The following GPR137C variants were observed in gnomAD, a reference collection of about 807,000 sequenced individuals.
The protein encoded by GPR137C is integral membrane protein GPR137C.
Under a neutral mutation model 43.4 loss-of-function variants are expected in GPR137C, and 27 were observed. The observed-to-expected ratio is 0.62, with a 90% CI of 0.46 to 0.86. GPR137C has a LOEUF of 0.86. Among genes scored for constraint, GPR137C ranks in the 40% least tolerant of loss-of-function variants. The probability of loss-of-function intolerance (pLI) is 0.00; values close to 1 mark genes in which losing one functional copy is unlikely to be tolerated. For missense variants in GPR137C, 522 were observed against 534.6 expected (o/e 0.98, Z 0.23); for synonymous variants, 285 against 226.9 (o/e 1.26, Z -2.30).
At chr14:52,572,533 G>C (rs1008727292) in intron 1 of GPR137C, among the ~76,000 whole-genome samples, 6 of 152,114 alleles carry the variant, frequency 3.9e-5, no homozygotes, top group African/African-American at 2.4e-5. Context: ...AAAGGTCTTT[G>C]ATAAAATTCA....
In GPR137C at chr14:52,553,320, C is replaced by G; in HGVS notation, c.173C>G (p.Ala58Gly). The G allele has an allele frequency of 6.3e-7, 1 of 1,587,262 alleles. No individual in the cohort carries two copies. The highest frequency in any genetic ancestry group is 8.5e-7 in the Non-Finnish European group (1 of 1,172,602). The stretch of plus-strand genomic sequence containing the variant: ...AGCGTCCTGCACGCCCTGCTCTACG[C>G]CGCGCTGTTCGCCTTTGCCTACCTG... The part of the protein sequence containing the change: ...ALSVLHALLY[A>G]ALFAFAYLQL... Residue 58 changes from alanine to glycine, a missense_variant, in exon 1 of 7, where the codon GCC becomes GGC. Physicochemically the swap from Ala to Gly is moderately conservative, Grantham distance 60. This residue lies in a region of GPR137C where 437 missense variants were observed against 425.7 expected (regional missense o/e 1.03). Coordinates refer to ENST00000321662, the MANE Select transcript of GPR137C (RefSeq NM_001099652.2).
At chr14:52,555,218 A>G (rs559514071) in intron 1 of GPR137C, among the ~76,000 whole-genome samples, 141 of 152,222 alleles carry the variant, frequency 9.3e-4, no homozygotes, top group African/African-American at 3.1e-3. Flanking sequence ...TTCCCTATAT[A>G]TTTTGATTTA....
intron 2 of GPR137C, 84 bp downstream of exon 2, chr14:52,598,399 C>A: frequency 3.3e-6 from 2 of 597,784 alleles, no homozygotes; most frequent in East Asian, 3.1e-5. Flanking sequence ...TCTAAAAGAT[C>A]TAATTTTTTT....
In GPR137C at chr14:52,569,253, A is replaced by C. The variant is rs543829871; in HGVS notation, c.444+15662A>C. 6.6e-5 allele frequency among the ~76,000 whole-genome samples: 10 copies of C among 152,274 alleles called. No homozygotes were observed. The East Asian group carries it at 1.9e-3, about 29-fold the overall frequency. On this transcript the variant is annotated intron_variant, in intron 1 of 6. Coordinates refer to ENST00000321662, the MANE Select transcript of GPR137C (RefSeq NM_001099652.2). ...AAAGGAATGGCATCAACATCAACAA[A>C]AAAGGACATCCATGCAAAAACCCCA...
At chr14:52,600,483 C>T (rs1594798025) in intron 3 of GPR137C, 142 bp downstream of exon 3, 1 of 595,232 alleles carries the variant, frequency 1.7e-6, no homozygotes, top group South Asian at 2.2e-5. Context: ...CCATATTAGT[C>T]AGGCTAGAGT....
intron 1 of GPR137C, among the ~76,000 whole-genome samples, chr14:52,576,669 T>C (rs1403569647): frequency 6.6e-6 from 1 of 152,160 alleles, no homozygotes; most frequent in Non-Finnish European, 1.5e-5. Context: ...TGGACTTAAA[T>C]TGGACTTCAG....
intron 3 of GPR137C, among the ~76,000 whole-genome samples, chr14:52,629,117 AG>A (rs2039264778): frequency 6.6e-6 from 1 of 152,230 alleles, no homozygotes; most frequent in Admixed American, 6.5e-5. Flanking sequence ...GTCCCAAATG[AG>A]GCCTAGAATT....
At chr14:52,613,717 G>A in intron 3 of GPR137C, 1 of 266,072 alleles carries the variant, frequency 3.8e-6, no homozygotes, top group Non-Finnish European at 7.6e-6. Flanking sequence ...ACTCCATTGT[G>A]TGTAAGTACC....
At chr14:52,575,036 T>C (rs1482679035) in intron 1 of GPR137C, among the ~76,000 whole-genome samples, 1 of 152,222 alleles carries the variant, frequency 6.6e-6, no homozygotes, top group Non-Finnish European at 1.5e-5. Context: ...TGTATGAGAC[T>C]CTTGGTTCAG....
chr14:52,583,049 G>T (rs2038668025), intron 1 of GPR137C, among the ~76,000 whole-genome samples: 1 of 151,856 alleles, frequency 6.6e-6, no homozygotes, highest in Non-Finnish European at 1.5e-5. Context: ...TTCATAGAAA[G>T]AATAATATTC....
chr14:52,592,559 T>C (rs1325513926), intron 1 of GPR137C, among the ~76,000 whole-genome samples: 1 of 152,150 alleles, frequency 6.6e-6, no homozygotes, highest in Non-Finnish European at 1.5e-5. Flanking sequence ...CCCTTGTAAG[T>C]TGGATTCTTA....
chr14:52,601,809 C>G (rs560079824), intron 3 of GPR137C, among the ~76,000 whole-genome samples: 59 of 151,894 alleles, frequency 3.9e-4, no homozygotes, highest in African/African-American at 1.3e-3. Context: ...TGCTTCTTCT[C>G]TAGATACCTA....
At chr14:52,621,522 A>G (rs552979176) in intron 3 of GPR137C, among the ~76,000 whole-genome samples, 16 of 151,964 alleles carry the variant, frequency 1.1e-4, no homozygotes, top group Non-Finnish European at 2.1e-4. Flanking sequence ...ATGATTTTTA[A>G]CTTCTTTAAA....
intron 1 of GPR137C, among the ~76,000 whole-genome samples, chr14:52,581,649 G>A (rs570567993): frequency 2.0e-5 from 3 of 152,150 alleles, no homozygotes; most frequent in African/African-American, 4.8e-5. Flanking sequence ...GGTAAGCTTG[G>A]GAATGGTGCG....
intron 3 of GPR137C, among the ~76,000 whole-genome samples, chr14:52,627,292 C>G (rs12883381): frequency 0.57 from 86,546 of 151,878 alleles, 25,434 homozygotes; most frequent in Middle Eastern, 0.65. Flanking sequence ...AACTGGGGAG[C>G]TGAGGTAGGA....
intron 1 of GPR137C, among the ~76,000 whole-genome samples, chr14:52,574,702 G>GAA (rs1235133633): frequency 6.6e-6 from 1 of 152,092 alleles, no homozygotes; most frequent in East Asian, 1.9e-4. Flanking sequence ...TCCCAGAACT[G>GAA]AAAGTATAAT....
chr14:52,553,668 C>CG (rs2038137012), intron 1 of GPR137C, 77 bp downstream of exon 1: 3 of 1,020,728 alleles, frequency 2.9e-6, no homozygotes, highest in South Asian at 3.9e-5. Flanking sequence ...TGAGGACCAG[C>CG]GGGGGCGGGG....
At chr14:52,634,324 G>A (rs1398031027) in intron 6 of GPR137C, among the ~76,000 whole-genome samples, 1 of 152,072 alleles carries the variant, frequency 6.6e-6, no homozygotes, top group East Asian at 1.9e-4. Context: ...AAACTCTTGG[G>A]AAGCTTAATT....
intron 3 of GPR137C, among the ~76,000 whole-genome samples, chr14:52,611,102 T>G (rs2039034027): frequency 6.6e-6 from 1 of 152,212 alleles, no homozygotes; most frequent in Admixed American, 6.5e-5. Context: ...TTGTTTCCTC[T>G]GCTCCATCAA....
Sources: allele counts gnomAD v4.1 joint callset (sites outside exome capture counted in the v4.1 genomes callset), GRCh38; gene constraint gnomAD v4.1.1; regional missense constraint gnomAD v4.1.1; transcripts MANE v1.5; gene names NCBI Gene and HGNC (gene_info 2026-07-23, HGNC 2026-07-21).